The following DYNC2I1 variants were observed in gnomAD, a reference collection of about 807,000 sequenced individuals.
The protein encoded by DYNC2I1 is dynein 2 intermediate chain 1.
DYNC2I1 carries 89 observed loss-of-function variants against 133.4 expected under a neutral mutation model. The ratio of observed to expected loss-of-function variants is 0.67; its 90% confidence interval spans 0.56 to 0.80. DYNC2I1 has a LOEUF of 0.80. Among genes scored for constraint, DYNC2I1 ranks in the 30% least tolerant of loss-of-function variants. The pLI is 0.00. For synonymous variants in DYNC2I1, 504 were observed against 484.3 expected (o/e 1.04, Z -0.54); for missense variants, 1,291 against 1,314.5 (o/e 0.98, Z 0.28).
chr7:158,952,488 T>C (rs536570033), intron 4 of DYNC2I1, among the ~76,000 whole-genome samples: 35 of 152,190 alleles, frequency 2.3e-4, no homozygotes, highest in African/African-American at 8.2e-4. Context: ...GCCAGTTGGA[T>C]TTTTTGCTCT....
intron 10 of DYNC2I1, chr7:158,904,404 C>T (rs1395473001): frequency 1.3e-5 from 2 of 152,236 alleles, no homozygotes; most frequent in Non-Finnish European, 2.9e-5. Flanking sequence ...TTTTTTAGGG[C>T]AGTAAGAAAC....
chr7:158,920,817 T>A (rs997845965), intron 15 of DYNC2I1, among the ~76,000 whole-genome samples: 1 of 152,218 alleles, frequency 6.6e-6, no homozygotes, highest in Non-Finnish European at 1.5e-5. Context: ...TCACATTAGA[T>A]TCTGATCTGT....
In DYNC2I1 at chr7:158,916,329, T is replaced by G. The variant is rs138000337; in HGVS notation, c.1791+2008T>G. ...AGATTAAGGATGATTGTGAAACGTC[T>G]ACACGCTGGTTGACATTAAGGATGA... On this transcript the variant is annotated intron_variant, in intron 14 of 24. Coordinates refer to ENST00000407559, the MANE Select transcript of DYNC2I1 (RefSeq NM_018051.5). Among the ~76,000 whole-genome samples, 44 of 6,568 alleles carry G rather than the reference T, an allele frequency of 6.7e-3. 1 individual carries two copies. In the East Asian group the frequency reaches 0.12, roughly 19 times the overall value. The allele number at this position is 6,568 out of a possible 152,430, so 4.3% of individuals were successfully genotyped here.
intron 21 of DYNC2I1, among the ~76,000 whole-genome samples, chr7:158,930,939 A>T (rs914932806): frequency 2.0e-5 from 3 of 152,324 alleles, no homozygotes; most frequent in African/African-American, 7.2e-5. Context: ...AAGTGCTGGG[A>T]TTACAGGTGT....
At chr7:158,871,673 C>T in intron 3 of DYNC2I1, 111 bp downstream of exon 3, 1 of 1,258,954 alleles carries the variant, frequency 7.9e-7, no homozygotes, top group Non-Finnish European at 1.1e-6. Context: ...TCCCTCCTTC[C>T]CCTTTCCTTT....
chr7:158,854,910 A>C (rs1841138398), upstream of DYNC2I1, among the ~76,000 whole-genome samples: 1 of 152,224 alleles, frequency 6.6e-6, no homozygotes, highest in Non-Finnish European at 1.5e-5. Context: ...CAGGCTGGCA[A>C]AACATTTACA....
chr7:158,863,172 G>C (rs940082295), intron 1 of DYNC2I1, among the ~76,000 whole-genome samples: 4 of 151,998 alleles, frequency 2.6e-5, no homozygotes, highest in African/African-American at 9.7e-5. Flanking sequence ...TGCCCACATC[G>C]TGGTGCGTTT....
rs1851837693 is a variant in DYNC2I1 at position 158,945,846 on chromosome 7, C to G, written c.*67C>G. 1 of 1,408,184 alleles carries G rather than the reference C, an allele frequency of 7.1e-7. No individual in the cohort carries two copies. Among genetic ancestry groups the G allele is most frequent in the Non-Finnish European group, 9.4e-7 (1 of 1,065,312 alleles). 87.2% of individuals were successfully genotyped at this position (1,408,184 alleles called of 1,614,324 possible). On this transcript the variant is annotated 3_prime_UTR_variant, in exon 25 of 25. Transcript: ENST00000407559. The surrounding 1 kb of genome is among the most constrained non-coding windows in gnomAD (Gnocchi z 4.1). ...TTTAAAAGACATAAGGTGGATAATT[C>G]TACATTTGTGTGCAAGTATATTTAT...
intron 10 of DYNC2I1, chr7:158,905,140 CTTTTTT>C (rs77389434): frequency 5.6e-5 from 19 of 338,052 alleles, no homozygotes; most frequent in East Asian, 8.3e-5. Context: ...CTTTCTTTTT[CTTTTTT>C]TTTTTTTTTT....
At chr7:158,916,676 G>A (rs1414067936) in intron 14 of DYNC2I1, among the ~76,000 whole-genome samples, 5 of 75,846 alleles carry the variant, frequency 6.6e-5, no homozygotes, top group African/African-American at 1.8e-4. Context: ...ACCTCGACAC[G>A]GTGGTTGAGA....
chr7:158,946,046 G>A lies in DYNC2I1; in HGVS notation c.*267G>A, dbSNP rs1294160594. The A allele has an allele frequency of 3.3e-6, 1 of 303,582 alleles. No individual in the cohort carries two copies. Among genetic ancestry groups the A allele is most frequent in the South Asian group, 1.2e-4 (1 of 8,462 alleles). 18.8% of individuals were successfully genotyped at this position (303,582 alleles called of 1,614,324 possible). A position where few individuals can be genotyped will look rare whatever the true frequency, so the allele number is the denominator to read the frequency against. ...GTGCTCTTTTCTGAGAGTATTTCGA[G>A]TTATTTTTAGAACAGTTTAAATATT... On this transcript the variant is annotated 3_prime_UTR_variant, in exon 25 of 25. Coordinates refer to ENST00000407559, the MANE Select transcript of DYNC2I1 (RefSeq NM_018051.5).
upstream of DYNC2I1, among the ~76,000 whole-genome samples, chr7:158,855,939 C>CTT (rs71200072): frequency 2.1e-3 from 247 of 119,266 alleles, 1 homozygote; most frequent in African/African-American, 6.7e-3. Context: ...AAGCTCTTTT[C>CTT]TTTTTTTTTT....
intron 1 of DYNC2I1, among the ~76,000 whole-genome samples, chr7:158,868,908 T>C (rs1842641860): frequency 6.6e-6 from 1 of 152,218 alleles, no homozygotes; most frequent in Non-Finnish European, 1.5e-5. Flanking sequence ...GGATAGCATC[T>C]GGTATGCACC....
intron 1 of DYNC2I1, among the ~76,000 whole-genome samples, chr7:158,857,857 C>G (rs1427286361): frequency 6.8e-6 from 1 of 147,144 alleles, no homozygotes; most frequent in Non-Finnish European, 1.5e-5. Flanking sequence ...GTGGCACGAT[C>G]TCTACTCACC....
chr7:158,917,788 TCTC>T (rs1848624238), intron 14 of DYNC2I1, among the ~76,000 whole-genome samples: 1 of 152,028 alleles, frequency 6.6e-6, no homozygotes, highest in African/African-American at 2.4e-5. Flanking sequence ...TCACTTCAAA[TCTC>T]CTGCCTTCCA....
At chr7:158,842,114 C>T in the DYNC2I1 span, among the ~76,000 whole-genome samples, 3 of 152,162 alleles carry the variant, frequency 2.0e-5, no homozygotes, top group Non-Finnish European at 2.9e-5. Flanking sequence ...CTGCAAGCTC[C>T]GCCTCCAGGA....
intron 1 of DYNC2I1, among the ~76,000 whole-genome samples, chr7:158,864,844 A>C (rs761267967): frequency 6.6e-6 from 1 of 152,204 alleles, no homozygotes; most frequent in African/African-American, 2.4e-5. Context: ...ATGTTCAATT[A>C]ACTAGTTCAA....
intron 8 of DYNC2I1, among the ~76,000 whole-genome samples, chr7:158,900,202 A>C (rs1226783195): frequency 6.6e-6 from 1 of 150,920 alleles, no homozygotes; most frequent in African/African-American, 2.4e-5. Flanking sequence ...GCTCGCTGCA[A>C]CCTCTGCCTC....
chr7:158,858,056 G>T (rs967923491), intron 1 of DYNC2I1, among the ~76,000 whole-genome samples: 4 of 152,068 alleles, frequency 2.6e-5, no homozygotes. Flanking sequence ...CTCCCAAAGT[G>T]CTGGGATTAC....
Sources: allele counts gnomAD v4.1 joint callset (sites outside exome capture counted in the v4.1 genomes callset), GRCh38; gene constraint gnomAD v4.1.1; non-coding constraint Gnocchi (gnomAD v3.1); transcripts MANE v1.5; gene names NCBI Gene and HGNC (gene_info 2026-07-23, HGNC 2026-07-21).